The following MRPS28 variants were observed in gnomAD, a reference collection of about 807,000 sequenced individuals.
The protein encoded by MRPS28 is small ribosomal subunit protein bS1m.
In MRPS28, 7 loss-of-function variants were observed where a neutral mutation model predicts 10.8. That is an observed-to-expected ratio of 0.65 (90% CI 0.37 to 1.22). The LOEUF (loss-of-function observed/expected upper bound fraction) is 1.22, where lower values mean the gene tolerates loss of function less well. MRPS28 is among the 50% of genes most tolerant of loss of function. The pLI is 0.02. For missense variants in MRPS28, 265 were observed against 232.9 expected, an observed-to-expected ratio of 1.14 and a Z score of -0.90; for synonymous variants, 121 against 93.3, an observed-to-expected ratio of 1.30 and a Z score of -1.71.
intron 2 of MRPS28, among the ~76,000 whole-genome samples, chr8:79,958,731 A>C (rs1453289139): frequency 6.6e-6 from 1 of 152,184 alleles, no homozygotes; most frequent in Non-Finnish European, 1.5e-5. Flanking sequence ...TGTGCTCAAC[A>C]CAACAAACAC....
intron 1 of MRPS28, among the ~76,000 whole-genome samples, chr8:80,029,582 G>A (rs536328045): frequency 8.5e-5 from 13 of 152,266 alleles, no homozygotes; most frequent in African/African-American, 2.9e-4. Context: ...TCATCACCCA[G>A]TCATTAAATT....
At chr8:79,962,351 C>G (rs756555760) in intron 2 of MRPS28, among the ~76,000 whole-genome samples, 2 of 152,134 alleles carry the variant, frequency 1.3e-5, no homozygotes, top group Non-Finnish European at 1.5e-5. Context: ...TAAGTAAGCC[C>G]TGCTTACAGG....
chr8:79,920,972 GT>G (rs1298437262), intron 2 of MRPS28, among the ~76,000 whole-genome samples: 2 of 152,122 alleles, frequency 1.3e-5, no homozygotes, highest in African/African-American at 2.4e-5. Context: ...TGTATAAGGT[GT>G]TAAGAAAGGG....
chr8:80,009,444 T>A (rs1265947911), intron 1 of MRPS28, among the ~76,000 whole-genome samples: 1 of 150,918 alleles, frequency 6.6e-6, no homozygotes, highest in African/African-American at 2.4e-5. Flanking sequence ...AATAAATAAA[T>A]AAATAAAAAT....
At chr8:79,983,538 C>T (rs140164066) in intron 2 of MRPS28, among the ~76,000 whole-genome samples, 2 of 152,008 alleles carry the variant, frequency 1.3e-5, no homozygotes, top group Non-Finnish European at 2.9e-5. Flanking sequence ...AAAATTTAGA[C>T]GAATGTATAA....
intron 2 of MRPS28, among the ~76,000 whole-genome samples, chr8:79,996,452 T>C (rs1253188127): frequency 6.6e-6 from 1 of 152,242 alleles, no homozygotes; most frequent in Non-Finnish European, 1.5e-5. Flanking sequence ...TTCTTTCTCA[T>C]AGTTCTAGAG....
chr8:80,026,190 G>A lies in MRPS28; in HGVS notation c.213+3846C>T, dbSNP rs12235065. On this transcript the variant is annotated intron_variant, in intron 1 of 2. Coordinates refer to ENST00000276585, the MANE Select transcript of MRPS28 (RefSeq NM_014018.3). ...CTCACGATACTGTTCAATTAAATAG[G>A]TCCAGTAAGTTCAAAAGAGGTAAAG... Among the ~76,000 whole-genome samples the A allele has an allele frequency of 6.3e-3, 960 of 152,160 alleles. 13 individuals are homozygous for A. Among genetic ancestry groups the A allele is most frequent in the East Asian group, 0.057 (293 of 5,180 alleles).
intron 1 of MRPS28, among the ~76,000 whole-genome samples, chr8:80,027,884 G>A (rs1025053097): frequency 6.6e-6 from 1 of 152,162 alleles, no homozygotes; most frequent in African/African-American, 2.4e-5. Flanking sequence ...AACTGTGTTA[G>A]ACGGAGAACA....
chr8:79,971,473 C>T (rs898482385), intron 2 of MRPS28, among the ~76,000 whole-genome samples: 2 of 152,098 alleles, frequency 1.3e-5, no homozygotes, highest in African/African-American at 4.8e-5. Context: ...CCAAAAGAAA[C>T]TCCCTTAGCT....
intron 2 of MRPS28, among the ~76,000 whole-genome samples, chr8:79,988,788 G>A (rs1384418055): frequency 6.6e-6 from 1 of 152,102 alleles, no homozygotes; most frequent in African/African-American, 2.4e-5. Flanking sequence ...ACAGATACAG[G>A]GTTAGAACCT....
chr8:80,018,821 A>C (rs1809274133), intron 1 of MRPS28, among the ~76,000 whole-genome samples: 1 of 152,250 alleles, frequency 6.6e-6, no homozygotes, highest in Non-Finnish European at 1.5e-5. Context: ...GTCATAAAAA[A>C]GAATGAGATC....
intron 2 of MRPS28, among the ~76,000 whole-genome samples, chr8:79,991,909 G>GCCCTCTCT (rs1808372490): frequency 7.5e-6 from 1 of 133,008 alleles, no homozygotes; most frequent in African/African-American, 3.1e-5. Flanking sequence ...CTTCCTCCTT[G>GCCCTCTCT]CTCTCTCTCT....
At chr8:79,945,102 G>A (rs1471823890) in intron 2 of MRPS28, among the ~76,000 whole-genome samples, 1 of 152,088 alleles carries the variant, frequency 6.6e-6, no homozygotes, top group Non-Finnish European at 1.5e-5. Context: ...AGGAACATAT[G>A]ACTTTACATG....
At chr8:79,972,482 T>A (rs561607178) in intron 2 of MRPS28, among the ~76,000 whole-genome samples, 1 of 152,366 alleles carries the variant, frequency 6.6e-6, no homozygotes, top group South Asian at 2.1e-4. Flanking sequence ...GACATCTGAT[T>A]TCATTTCTCT....
At chr8:79,925,242 A>G (rs987025496) in intron 2 of MRPS28, among the ~76,000 whole-genome samples, 1 of 122,678 alleles carries the variant, frequency 8.2e-6, no homozygotes, top group Non-Finnish European at 1.6e-5. Context: ...AAGTCCTTTG[A>G]AAAAAAAAAA....
intron 2 of MRPS28, among the ~76,000 whole-genome samples, chr8:79,971,615 T>C (rs1187098849): frequency 6.6e-6 from 1 of 152,250 alleles, no homozygotes; most frequent in African/African-American, 2.4e-5. Context: ...TCATACAATA[T>C]GTAGTCCTTT....
intron 2 of MRPS28, among the ~76,000 whole-genome samples, chr8:79,974,249 T>A (rs1320884494): frequency 2.0e-5 from 3 of 151,742 alleles, no homozygotes; most frequent in Non-Finnish European, 4.4e-5. Context: ...CATATACATA[T>A]AAACAAACGA....
At chr8:79,997,875 C>T (rs1295390147) in intron 2 of MRPS28, among the ~76,000 whole-genome samples, 1 of 151,766 alleles carries the variant, frequency 6.6e-6, no homozygotes, top group Non-Finnish European at 1.5e-5. Flanking sequence ...GCCAACACGG[C>T]AAAACCCTGT....
intron 1 of MRPS28, among the ~76,000 whole-genome samples, chr8:80,008,829 A>AC (rs544709323): frequency 4.4e-4 from 67 of 152,336 alleles, no homozygotes; most frequent in South Asian, 1.2e-3. Context: ...TGTTGGTGGG[A>AC]CTGTAAACTA....
Sources: gnomAD v4.1 joint callset for allele counts (sites outside exome capture counted in the v4.1 genomes callset) on GRCh38, gnomAD v4.1.1 for gene constraint, MANE v1.5 for transcripts, NCBI Gene and HGNC (gene_info 2026-07-23, HGNC 2026-07-21) for gene names.